Variants in SLAMF6 observed in about 807,000 individuals in gnomAD.
The protein encoded by SLAMF6 is SLAM family member 6.
A neutral mutation model predicts 38.3 loss-of-function variants in SLAMF6; 21 were observed. The observed-to-expected ratio is 0.55, with a 90% CI of 0.39 to 0.79. SLAMF6 has a LOEUF of 0.79. Among genes scored for constraint, SLAMF6 ranks in the 30% least tolerant of loss-of-function variants. The pLI, the probability that SLAMF6 is intolerant of heterozygous loss-of-function variation, is 0.00. For missense variants in SLAMF6, 341 were observed against 385.3 expected (o/e 0.89, Z 0.96); for synonymous variants, 152 against 146.3 (o/e 1.04, Z -0.28).
At chr1:160,517,647 T>C (rs1288822764) in intron 1 of SLAMF6, among the ~76,000 whole-genome samples, 1 of 152,132 alleles carries the variant, frequency 6.6e-6, no homozygotes, top group Non-Finnish European at 1.5e-5. Context: ...ATGTGGAACA[T>C]ATACACCATG....
At chr1:160,519,283 G>T (rs190313872) in intron 1 of SLAMF6, among the ~76,000 whole-genome samples, 210 of 152,282 alleles carry the variant, frequency 1.4e-3, no homozygotes, top group Non-Finnish European at 2.2e-3. Flanking sequence ...TATTAGGATG[G>T]TGATAATAAT....
intron 1 of SLAMF6, among the ~76,000 whole-genome samples, chr1:160,509,698 AAAG>A (rs1314987922): frequency 5.3e-5 from 8 of 152,168 alleles, no homozygotes; most frequent in Non-Finnish European, 1.2e-4. Flanking sequence ...AAAACTAGAC[AAAG>A]AAGAGCAAAC....
intron 2 of SLAMF6, among the ~76,000 whole-genome samples, 180 bp from the exon 3 acceptor site, chr1:160,491,568 CA>C (rs1557935344): frequency 6.6e-6 from 1 of 152,074 alleles, no homozygotes; most frequent in Non-Finnish European, 1.5e-5. Context: ...CTGGGATGAC[CA>C]AATGATGCGG....
At chr1:160,493,533 G>A (rs1271578541) in intron 2 of SLAMF6, among the ~76,000 whole-genome samples, 1 of 152,132 alleles carries the variant, frequency 6.6e-6, no homozygotes, top group Non-Finnish European at 1.5e-5. Context: ...TGCTCCATGA[G>A]GACAGTGATC....
At chr1:160,521,655 G>A (rs1423743991) in intron 1 of SLAMF6, among the ~76,000 whole-genome samples, 1 of 152,052 alleles carries the variant, frequency 6.6e-6, no homozygotes, top group Non-Finnish European at 1.5e-5. Context: ...TGATTTTTAA[G>A]TCTCTAGCCT....
intron 1 of SLAMF6, among the ~76,000 whole-genome samples, chr1:160,520,891 C>T (rs73014378): frequency 0.051 from 7,724 of 152,148 alleles, 357 homozygotes; most frequent in African/African-American, 0.12. Flanking sequence ...TGCATCACGG[C>T]TTTTCACACA....
chr1:160,512,369 G>C (rs1170862953), intron 1 of SLAMF6, among the ~76,000 whole-genome samples: 2 of 152,206 alleles, frequency 1.3e-5, no homozygotes, highest in Non-Finnish European at 2.9e-5. Flanking sequence ...CCCTGGGATT[G>C]AGTCCCTGTG....
At chr1:160,488,000 G>T (rs920419717) in intron 6 of SLAMF6, among the ~76,000 whole-genome samples, 1 of 151,646 alleles carries the variant, frequency 6.6e-6, no homozygotes, top group East Asian at 1.9e-4. Flanking sequence ...CAAGGTAAAA[G>T]GATCACCTGA....
At chr1:160,510,146 T>C (rs1340704378) in intron 1 of SLAMF6, among the ~76,000 whole-genome samples, 1 of 152,148 alleles carries the variant, frequency 6.6e-6, no homozygotes, top group Non-Finnish European at 1.5e-5. Context: ...ATGGCTTCAC[T>C]GGTAAATTCT....
intron 2 of SLAMF6, among the ~76,000 whole-genome samples, chr1:160,494,386 C>T (rs1653456300): frequency 6.6e-6 from 1 of 152,094 alleles, no homozygotes; most frequent in Non-Finnish European, 1.5e-5. Flanking sequence ...TTCAGGCTTT[C>T]CATTGGATGA....
chr1:160,487,684 G>A (rs1310141159), intron 6 of SLAMF6, among the ~76,000 whole-genome samples: 1 of 152,126 alleles, frequency 6.6e-6, no homozygotes, highest in Non-Finnish European at 1.5e-5. Flanking sequence ...CCTTAAGAAT[G>A]GCTCTGCCTG....
chr1:160,509,871 T>C (rs73014361), intron 1 of SLAMF6, among the ~76,000 whole-genome samples: 7,289 of 152,030 alleles, frequency 0.048, 372 homozygotes, highest in African/African-American at 0.13. Flanking sequence ...TGACAAAGAA[T>C]AAAATAGAAA....
intron 1 of SLAMF6, among the ~76,000 whole-genome samples, chr1:160,508,425 A>G (rs894725919): frequency 6.6e-6 from 1 of 152,224 alleles, no homozygotes; most frequent in South Asian, 2.1e-4. Flanking sequence ...TCCCTATTTA[A>G]TAAATGGTGC....
chr1:160,520,444 A>G (rs1030408492), intron 1 of SLAMF6, among the ~76,000 whole-genome samples: 1 of 152,150 alleles, frequency 6.6e-6, no homozygotes, highest in Non-Finnish European at 1.5e-5. Flanking sequence ...GTCACCTGGG[A>G]GCCTCTTAGA....
rs765607289 is a variant in SLAMF6 at position 160,489,157 on chromosome 1, C to G, written c.810G>C (p.Arg270Ser). ...QRTQGPAESA[R>S]NLEYVSVSPT... Reference sequence around the variant, plus strand: ...GAGACACTGAAACATACTCTAGGTTCCTTGCGGACTCTGCTGTTAACATAG... The same window carrying G: ...GAGACACTGAAACATACTCTAGGTTGCTTGCGGACTCTGCTGTTAACATAG... The change falls in exon 6 of 8, where the codon AGG (arginine) becomes AGC (serine). Residue 270 changes from arginine (R) to serine (S), a missense_variant. Arg to Ser is a moderately radical substitution (Grantham distance 110). Transcript: ENST00000368057. The G allele has an allele frequency of 1.9e-6, 3 of 1,613,880 alleles. No homozygotes were observed. The Admixed American group carries it at 5.0e-5, about 27-fold the overall frequency.
chr1:160,491,560 G>T, intron 2 of SLAMF6, 172 bp from the exon 3 acceptor site: 1 of 445,304 alleles, frequency 2.2e-6, no homozygotes, highest in Non-Finnish European at 3.0e-6. Context: ...AGCAAGGTCT[G>T]GGATGACCAA....
At chr1:160,513,570 C>CAA (rs1423392393) in intron 1 of SLAMF6, among the ~76,000 whole-genome samples, 3 of 152,172 alleles carry the variant, frequency 2.0e-5, no homozygotes, top group Non-Finnish European at 4.4e-5. Flanking sequence ...TTAGATTCTT[C>CAA]AAGGTCAAAA....
chr1:160,517,927 G>A (rs549284741), intron 1 of SLAMF6, among the ~76,000 whole-genome samples: 11 of 152,192 alleles, frequency 7.2e-5, no homozygotes, highest in East Asian at 1.9e-4. Context: ...TAGGTGATGC[G>A]TTGGTAGGTG....
intron 1 of SLAMF6, among the ~76,000 whole-genome samples, chr1:160,519,008 T>C (rs1360474414): frequency 6.6e-6 from 1 of 152,162 alleles, no homozygotes; most frequent in Non-Finnish European, 1.5e-5. Flanking sequence ...AAGAACATTA[T>C]TAAGAAAGTG....
Sources: gnomAD v4.1 joint callset for allele counts (sites outside exome capture counted in the v4.1 genomes callset) on GRCh38, gnomAD v4.1.1 for gene constraint, MANE v1.5 for transcripts, NCBI Gene and HGNC (gene_info 2026-07-23, HGNC 2026-07-21) for gene names.